MICU2: variants seen among roughly 807,000 people sequenced by gnomAD.
The protein encoded by MICU2 is calcium uptake protein 2, mitochondrial.
Under a neutral mutation model 60.4 loss-of-function variants are expected in MICU2, and 64 were observed. The observed-to-expected ratio is 1.06, with a 90% confidence interval of 0.87 to 1.31. The LOEUF (loss-of-function observed/expected upper bound fraction) is 1.31, where lower values mean the gene tolerates loss of function less well. MICU2 is among the 50% of genes most tolerant of loss of function. The pLI is 0.00. For missense variants in MICU2, 569 were observed against 531.0 expected (o/e 1.07, Z -0.70); for synonymous variants, 201 against 175.0 (o/e 1.15, Z -1.17).
intron 1 of MICU2, among the ~76,000 whole-genome samples, chr13:21,568,730 T>C (rs1021708248): frequency 6.6e-6 from 1 of 152,124 alleles, no homozygotes; most frequent in Admixed American, 6.5e-5. Context: ...CTTTAACTTG[T>C]AGCAATCTTA....
rs1223372565 is a variant in MICU2, at chr13:21,561,534, C to CATTA, written c.358+5259_358+5262dup. ...AGTTATGTCTTCTGGAGTACTCACC[C>CATTA]ATTAAAAAAAAAAAATTACTACGCA... On this transcript the variant is annotated intron_variant, in intron 2 of 11. Coordinates refer to ENST00000382374, the MANE Select transcript of MICU2 (RefSeq NM_152726.3). Among the ~76,000 whole-genome samples, 5 of 150,282 alleles carry CATTA rather than the reference C, an allele frequency of 3.3e-5. No homozygotes were observed. In the East Asian group the frequency reaches 9.7e-4, roughly 29 times the overall value.
At chr13:21,583,159 G>A (rs750690558) in intron 1 of MICU2, among the ~76,000 whole-genome samples, 23 of 152,168 alleles carry the variant, frequency 1.5e-4, no homozygotes, top group Non-Finnish European at 2.9e-4. Context: ...AGAGATTGAG[G>A]AGGGAGGCCT....
intron 6 of MICU2, among the ~76,000 whole-genome samples, chr13:21,517,795 ACACACGCGCGCGCGCGCG>A (rs1361585072): frequency 1.8e-4 from 21 of 118,482 alleles, no homozygotes; most frequent in Admixed American, 8.4e-5. Flanking sequence ...ACACACACAC[ACACACGCGCGCGCGCGCG>A]CACACGCGCT....
chr13:21,566,671 A>G, intron 2 of MICU2, 126 bp downstream of exon 2: 2 of 757,966 alleles, frequency 2.6e-6, no homozygotes, highest in Admixed American at 6.8e-5. Flanking sequence ...AAAAGTCTAA[A>G]TAAGCAAATG....
intron 4 of MICU2, among the ~76,000 whole-genome samples, chr13:21,529,881 A>C (rs1027308359): frequency 2.0e-5 from 3 of 152,146 alleles, no homozygotes; most frequent in Admixed American, 6.5e-5. Context: ...GGTACAGTAG[A>C]TGTGTTGGAG....
At chr13:21,531,492 A>G (rs1886998534) in intron 4 of MICU2, among the ~76,000 whole-genome samples, 1 of 152,180 alleles carries the variant, frequency 6.6e-6, no homozygotes, top group Non-Finnish European at 1.5e-5. Context: ...TGCTACTCAG[A>G]CTAGCTGTAA....
intron 1 of MICU2, among the ~76,000 whole-genome samples, chr13:21,577,723 T>C (rs1424419479): frequency 6.7e-6 from 1 of 148,824 alleles, no homozygotes; most frequent in Non-Finnish European, 1.5e-5. Context: ...AAGAATTGCT[T>C]GAACCCGGGA....
intron 2 of MICU2, among the ~76,000 whole-genome samples, chr13:21,554,305 A>G (rs1181346155): frequency 6.6e-6 from 1 of 152,202 alleles, no homozygotes; most frequent in Non-Finnish European, 1.5e-5. Flanking sequence ...CAGCAAATGT[A>G]AAAGAACAGA....
At chr13:21,541,293 A>C (rs1337380371) in intron 2 of MICU2, among the ~76,000 whole-genome samples, 1 of 152,122 alleles carries the variant, frequency 6.6e-6, no homozygotes, top group Non-Finnish European at 1.5e-5. Flanking sequence ...GTGAGTAAAG[A>C]AGGTAATGTT....
At chr13:21,515,769 G>C (rs898192595) in intron 6 of MICU2, 1 of 175,262 alleles carries the variant, frequency 5.7e-6, no homozygotes, top group Non-Finnish European at 1.2e-5. Context: ...TAGGCAAGTG[G>C]TTTATTTCTA....
intron 8 of MICU2, among the ~76,000 whole-genome samples, chr13:21,506,307 C>G (rs568340102): frequency 6.6e-6 from 1 of 152,174 alleles, no homozygotes; most frequent in Non-Finnish European, 1.5e-5. Context: ...TGAGCCGCCG[C>G]GCCCAGCTCC....
intron 6 of MICU2, among the ~76,000 whole-genome samples, chr13:21,515,333 C>T (rs577969060): frequency 1.6e-3 from 251 of 152,276 alleles, no homozygotes; most frequent in African/African-American, 5.7e-3. Context: ...CCACCTGCCT[C>T]GGCCTCCCAA....
rs539186219 is a variant in MICU2 at position 21,536,121 on chromosome 13, G to A, written c.466+3181C>T. On this transcript the variant is annotated intron_variant, in intron 4 of 11. Coordinates refer to ENST00000382374, the MANE Select transcript of MICU2 (RefSeq NM_152726.3). Reference sequence around the variant, plus strand: ...AGGAATTGGTAAAGGGTGGGGTGAAGTGGGTATAAAGATAAGTAGACAGTT... The same window carrying A: ...AGGAATTGGTAAAGGGTGGGGTGAAATGGGTATAAAGATAAGTAGACAGTT... 1.7e-3 allele frequency among the ~76,000 whole-genome samples: 263 copies of A among 152,270 alleles called. 3 individuals carry two copies. Among genetic ancestry groups the A allele is most frequent in the African/African-American group, 6.1e-3 (254 of 41,538 alleles).
intron 2 of MICU2, among the ~76,000 whole-genome samples, chr13:21,548,338 A>T (rs17679426): frequency 0.35 from 52,686 of 152,104 alleles, 9,496 homozygotes; most frequent in South Asian, 0.4. Context: ...TTCTAATATG[A>T]ACATAGGTTT....
chr13:21,545,947 T>C (rs1375956674), intron 2 of MICU2, among the ~76,000 whole-genome samples: 1 of 152,176 alleles, frequency 6.6e-6, no homozygotes, highest in East Asian at 1.9e-4. Context: ...ACATACTAAT[T>C]ACCCTGATAT....
intron 1 of MICU2, among the ~76,000 whole-genome samples, chr13:21,588,298 G>C (rs1436372174): frequency 1.3e-5 from 2 of 152,238 alleles, no homozygotes; most frequent in Non-Finnish European, 2.9e-5. Context: ...CAAAACAATT[G>C]TTATGCTTGT....
intron 2 of MICU2, among the ~76,000 whole-genome samples, chr13:21,557,688 G>T (rs1887741099): frequency 6.6e-6 from 1 of 152,100 alleles, no homozygotes. Context: ...TGTTCATAAT[G>T]ATCTGTAGGA....
At chr13:21,568,713 G>C (rs891886348) in intron 1 of MICU2, among the ~76,000 whole-genome samples, 12 of 152,032 alleles carry the variant, frequency 7.9e-5, no homozygotes, top group African/African-American at 2.9e-4. Context: ...TGTTTCTTCT[G>C]ATTGTCCTTT....
intron 2 of MICU2, among the ~76,000 whole-genome samples, chr13:21,562,383 G>T (rs1887868036): frequency 6.6e-6 from 1 of 152,168 alleles, no homozygotes. Context: ...TACAGTGACT[G>T]TTGATATATC....
Sources: allele counts gnomAD v4.1 joint callset (sites outside exome capture counted in the v4.1 genomes callset), GRCh38; gene constraint gnomAD v4.1.1; transcripts MANE v1.5; gene names NCBI Gene and HGNC (gene_info 2026-07-23, HGNC 2026-07-21).